GTPBP8: variants seen among roughly 807,000 people sequenced by gnomAD.
GTPBP8 encodes GTP-binding protein 8.
GTPBP8 carries 21 observed loss-of-function variants against 27.3 expected under a neutral mutation model. The observed-to-expected ratio is 0.77, with a 90% confidence interval of 0.55 to 1.11. The LOEUF (loss-of-function observed/expected upper bound fraction) is 1.11. Among genes scored for constraint, GTPBP8 ranks in the 50% least tolerant of loss-of-function variants. The pLI is 0.00. For missense variants in GTPBP8, 380 were observed against 350.8 expected, an observed-to-expected ratio of 1.08 and a Z score of -0.67; for synonymous variants, 147 against 135.3, an observed-to-expected ratio of 1.09 and a Z score of -0.60.
At chr3:113,000,774 A>G (rs1933886684) in intron 5 of GTPBP8, 76 bp from the exon 6 acceptor site, 1 of 869,670 alleles carries the variant, frequency 1.1e-6, no homozygotes, top group Admixed American at 2.2e-5. Flanking sequence ...AAGAATTTGT[A>G]AATTTTTTTA....
At position 112,996,989 on chromosome 3, in the gene GTPBP8, G is replaced by C. The variant is rs764066697; in HGVS notation, c.664G>C (p.Val222Leu). 7.2e-7 allele frequency: 1 copy of C among 1,390,664 alleles called. No individual in the cohort carries two copies. The highest frequency in any genetic ancestry group is 1.2e-5 in the South Asian group (1 of 86,240). The allele number at this position is 1,390,664 out of a possible 1,614,324, so 86.1% of individuals were successfully genotyped here. A position where few individuals can be genotyped will look rare whatever the true frequency, so the allele number is the denominator to read the frequency against. Residue 222 changes from valine to leucine, a missense_variant and splice_region_variant, in exon 4 of 6, where the codon GTG (valine) becomes CTG (leucine). Physicochemically the swap from Val to Leu is conservative, Grantham distance 32 (BLOSUM62 1). Transcript: ENST00000383678. ...GTGTGAAGAATTTGCATTACCTTAT[G>C]TGGTAAGTACTTCCTTTGAATCATG... is the stretch of plus-strand genomic sequence containing the variant. ...EMCEEFALPY[V>L]IVLTKIDKSS...
Position 112,991,271 on chromosome 3 carries a change from A to C in GTPBP8, c.272A>C (p.Asn91Thr), listed in dbSNP as rs754107564. ...AACATCTTCACGGCCACTGAACGGA[A>C]CCGCATCGACTACGTCAGCTCCGCC... Reference protein sequence around the residue: ...ADNIFTATERNRIDYVSSAVR... With the variant: ...ADNIFTATERTRIDYVSSAVR... Residue 91 changes from asparagine to threonine, a missense_variant, in exon 1 of 6, where the codon AAC becomes ACC. Coordinates refer to ENST00000383678, the MANE Select transcript of GTPBP8 (RefSeq NM_014170.4). 3 of 1,613,624 alleles carry C rather than the reference A, an allele frequency of 1.9e-6. No homozygotes were observed. The highest frequency in any genetic ancestry group is 2.5e-6 in the Non-Finnish European group (3 of 1,180,018).
Position 112,995,255 on chromosome 3 carries a change from G to A in GTPBP8, c.556G>A (p.Glu186Lys), listed in dbSNP as rs771754109. ...TGACATGGTAGAGACCTATCTAAAA[G>A]AACGAAGGAAGTAAGGAAAAGATTT... Reference protein sequence around the residue: ...FVDMVETYLKERRNLKRTFLL... With the variant: ...FVDMVETYLKKRRNLKRTFLL... The change falls in exon 3 of 6, where the codon GAA becomes AAA. Residue 186 changes from glutamate to lysine, a missense_variant. Coordinates refer to ENST00000383678, the MANE Select transcript of GTPBP8 (RefSeq NM_014170.4). The A allele has an allele frequency of 1.8e-5, 29 of 1,587,988 alleles. No individual in the cohort carries two copies. The South Asian group carries it at 3.4e-4, about 18-fold the overall frequency.
At chr3:112,996,818 A>G in intron 3 of GTPBP8, 74 bp from the exon 4 acceptor site, 7 of 726,854 alleles carry the variant, frequency 9.6e-6, no homozygotes, top group Admixed American at 2.1e-5. Context: ...ATTTCTTAGT[A>G]CAGTAAGGAA....
chr3:112,991,010 C>T lies in GTPBP8; in HGVS notation c.11C>T (p.Pro4Leu). 1.3e-6 allele frequency: 2 copies of T among 1,593,186 alleles called. No individual in the cohort carries two copies. Among genetic ancestry groups the T allele is most frequent in the African/African-American group, 1.3e-5 (1 of 74,418 alleles). Residue 4 changes from proline (P) to leucine (L), a missense_variant, in exon 1 of 6, where the codon CCC becomes CTC. Transcript: ENST00000383678. MAAPGLRLGAGRLF... is the reference protein window; with the variant it reads MAALGLRLGAGRLF... ...TTCTGGGAAGGGAGAATGGCGGCGC[C>T]CGGGCTGCGGCTGGGAGCGGGAAGA... is the stretch of plus-strand genomic sequence containing the variant.
chr3:112,993,059 T>A lies in GTPBP8; in HGVS notation c.370T>A (p.Ser124Thr), dbSNP rs1281022313. 3 of 1,610,866 alleles carry A rather than the reference T, an allele frequency of 1.9e-6. No homozygotes were observed. Among genetic ancestry groups the A allele is most frequent in the African/African-American group, 1.3e-5 (1 of 74,840 alleles). The change falls in exon 2 of 6, where the codon TCA becomes ACA. Residue 124 changes from serine to threonine, a missense_variant. Physicochemically the swap from Ser to Thr is moderately conservative, Grantham distance 58. Transcript: ENST00000383678. ...TATAGGCAGAAGCAATGTTGGAAAA[T>A]CATCTCTAATCAAGGCTTTATTTTC... The part of the protein sequence containing the change: ...CFIGRSNVGK[S>T]SLIKALFSLA...
At chr3:112,991,484 A>T (rs1933678618) in intron 1 of GTPBP8, 149 bp downstream of exon 1, 4 of 751,932 alleles carry the variant, frequency 5.3e-6, no homozygotes, top group South Asian at 4.4e-5. Flanking sequence ...GCATATGTCG[A>T]TGCTCCCTGT....
rs1007780914 is a variant in GTPBP8, at chr3:112,993,673, C to T, written c.435+549C>T. ...GATACCCTTTCTTCAAAATCACCCC[C>T]ACTTTGTCTCACCATATCTGGCCAT... On this transcript the variant is annotated intron_variant, in intron 2 of 5. Transcript: ENST00000383678. Among the ~76,000 whole-genome samples, 142 of 152,228 alleles carry T rather than the reference C, an allele frequency of 9.3e-4. 1 individual carries two copies. Among genetic ancestry groups the T allele is most frequent in the African/African-American group, 3.3e-3 (135 of 41,464 alleles).
chr3:113,000,953 A>G lies in GTPBP8; in HGVS notation c.*34A>G. On this transcript the variant is annotated 3_prime_UTR_variant, in exon 6 of 6. Transcript: ENST00000383678. ...GGTTTAGCTGAAGATTCAAAAAAAA[A>G]AAAAAAAGCTTTATGCTAACTGGAG... 8.0e-7 allele frequency: 1 copy of G among 1,255,756 alleles called. No individual in the cohort carries two copies. The highest frequency in any genetic ancestry group is 1.1e-6 in the Non-Finnish European group (1 of 878,856). 77.8% of individuals were successfully genotyped at this position (1,255,756 alleles called of 1,614,324 possible). A position where few individuals can be genotyped will look rare whatever the true frequency, so the allele number is the denominator to read the frequency against.
intron 4 of GTPBP8, among the ~76,000 whole-genome samples, chr3:112,997,964 GGAATA>G (rs776584134): frequency 6.6e-6 from 1 of 152,086 alleles, no homozygotes; most frequent in Non-Finnish European, 1.5e-5. Flanking sequence ...AAAAGGAATT[GGAATA>G]GAAAAGTTAT....
intron 2 of GTPBP8, among the ~76,000 whole-genome samples, chr3:112,993,649 A>G (rs550674224): frequency 6.6e-6 from 1 of 152,274 alleles, no homozygotes; most frequent in African/African-American, 2.4e-5. Context: ...AATATCTAAG[A>G]TACCCTTTCT....
intron 1 of GTPBP8, chr3:112,992,344 T>TA (rs1418524235): frequency 2.6e-5 from 4 of 152,214 alleles, no homozygotes. Context: ...AAAATGCCCT[T>TA]AAAATCTCCA....
At position 112,991,922 on chromosome 3, in the gene GTPBP8, T is replaced by C. The variant is rs375343665; in HGVS notation, c.336+587T>C. 5.6e-5 allele frequency: 14 copies of C among 249,346 alleles called. No individual in the cohort carries two copies. In the East Asian group the frequency reaches 1.3e-3, roughly 23 times the overall value. The allele number at this position is 249,346 out of a possible 1,614,324, so 15.4% of individuals were successfully genotyped here. ...TTTATAACAACGTTTATTAGTGAAA[T>C]TTCATGAGTGAGCATTCTTGCATGT... On this transcript the variant is annotated intron_variant, in intron 1 of 5. Transcript: ENST00000383678.
rs754107564 is a variant in GTPBP8 at position 112,991,271 on chromosome 3, A to G, written c.272A>G (p.Asn91Ser). The G allele has an allele frequency of 5.0e-6, 8 of 1,613,624 alleles. No homozygotes were observed. The South Asian group carries it at 6.6e-5, about 13-fold the overall frequency. Reference protein sequence around the residue: ...ADNIFTATERNRIDYVSSAVR... With the variant: ...ADNIFTATERSRIDYVSSAVR... Reference sequence around the variant, plus strand: ...AACATCTTCACGGCCACTGAACGGAACCGCATCGACTACGTCAGCTCCGCC... The same window carrying G: ...AACATCTTCACGGCCACTGAACGGAGCCGCATCGACTACGTCAGCTCCGCC... Residue 91 changes from asparagine to serine, a missense_variant, in exon 1 of 6, where the codon AAC (asparagine) becomes AGC (serine). Physicochemically the swap from Asn to Ser is conservative, Grantham distance 46 (BLOSUM62 1). Transcript: ENST00000383678.
At position 112,993,973 on chromosome 3, in the gene GTPBP8, A is replaced by G. The variant is rs1430341683; in HGVS notation, c.435+849A>G. ...ATCTCCTTCCTTTTGTGAGAGGACA[A>G]TGGAGGAAATGTATTCTTGACATTC... On this transcript the variant is annotated intron_variant, in intron 2 of 5. Transcript: ENST00000383678. Among the ~76,000 whole-genome samples the G allele has an allele frequency of 3.3e-5, 5 of 152,242 alleles. No homozygotes were observed. In the South Asian group the frequency reaches 6.2e-4, roughly 19 times the overall value.
At chr3:113,000,016 A>G (rs1158641876) in intron 5 of GTPBP8, among the ~76,000 whole-genome samples, 1 of 152,086 alleles carries the variant, frequency 6.6e-6, no homozygotes, top group Admixed American at 6.5e-5. Context: ...TCCACTTGTT[A>G]GTTGAATTGT....
chr3:112,991,332 A>G lies in GTPBP8; in HGVS notation c.333A>G (p.Pro111=), dbSNP rs778997422. 9 of 1,613,154 alleles carry G rather than the reference A, an allele frequency of 5.6e-6. No homozygotes were observed. The highest frequency in any genetic ancestry group is 5.5e-5 in the South Asian group (5 of 91,076). ...ACCACGCCCCGGACCTTCCGCGGCCAGAGGTGAGAGGCGATTCTCACGGTT... is the reference window on the plus strand; with the variant it reads ...ACCACGCCCCGGACCTTCCGCGGCCGGAGGTGAGAGGCGATTCTCACGGTT... The part of the protein sequence containing the change: ...RIDHAPDLPR[P]EVCFIGRSNV... The change falls in exon 1 of 6, where the codon CCA becomes CCG. Residue 111 remains proline (P), a synonymous_variant. Coordinates refer to ENST00000383678, the MANE Select transcript of GTPBP8 (RefSeq NM_014170.4).
intron 5 of GTPBP8, among the ~76,000 whole-genome samples, chr3:112,999,812 C>A (rs546443577): frequency 6.6e-6 from 1 of 152,226 alleles, no homozygotes; most frequent in South Asian, 2.1e-4. Context: ...TTATATCATT[C>A]TTATGCATTT....
intron 2 of GTPBP8, 149 bp from the exon 3 acceptor site, chr3:112,994,986 T>G: frequency 1.8e-6 from 1 of 548,244 alleles, no homozygotes; most frequent in Non-Finnish European, 3.2e-6. Flanking sequence ...CCCTTCTGTC[T>G]TCTTTTCCTG....
Sources: gnomAD v4.1 joint callset for allele counts (sites outside exome capture counted in the v4.1 genomes callset) on GRCh38, gnomAD v4.1.1 for gene constraint, MANE v1.5 for transcripts, NCBI Gene and HGNC (gene_info 2026-07-23, HGNC 2026-07-21) for gene names.